NF1: variants seen among roughly 807,000 people sequenced by gnomAD.
NF1 encodes neurofibromin 1, also known as neurofibromin.
Under a neutral mutation model 325.7 loss-of-function variants are expected in NF1, and 122 were observed. The ratio of observed to expected loss-of-function variants is 0.37; its 90% confidence interval spans 0.32 to 0.44. NF1 has a LOEUF of 0.44. Ranked by LOEUF, NF1 falls within the 20% of genes least tolerant of loss-of-function variation. The probability of loss-of-function intolerance (pLI) is 1.00; values close to 1 mark genes in which losing one functional copy is unlikely to be tolerated. For missense variants in NF1, 2,140 were observed against 3,415.4 expected (o/e 0.63, Z 9.31); for synonymous variants, 1,091 against 1,186.0 (o/e 0.92, Z 1.65).
At chr17:31,101,714 ATTTT>A (rs939126536) in intron 1 of NF1, among the ~76,000 whole-genome samples, 1 of 141,490 alleles carries the variant, frequency 7.1e-6, no homozygotes, top group African/African-American at 2.6e-5. Flanking sequence ...CTCAGATTTC[ATTTT>A]TTTTTTTTCC....
chr17:31,233,274 A>C (rs2067146980), intron 27 of NF1, 61 bp downstream of exon 27: 3 of 1,376,258 alleles, frequency 2.2e-6, no homozygotes, highest in Non-Finnish European at 3.1e-6. Flanking sequence ...CCTTCAGAAT[A>C]TATTTGTTCA....
At chr17:31,221,694 CAG>C (rs1046186940) in intron 14 of NF1, among the ~76,000 whole-genome samples, 154 bp from the exon 15 acceptor site, 39 of 152,182 alleles carry the variant, frequency 2.6e-4, no homozygotes, top group African/African-American at 8.7e-4. Flanking sequence ...TTGTGTTCAC[CAG>C]AGTTTCTCTC....
At chr17:31,145,191 C>CTCAT (rs754204277) in intron 1 of NF1, among the ~76,000 whole-genome samples, 2 of 152,134 alleles carry the variant, frequency 1.3e-5, no homozygotes, top group African/African-American at 4.8e-5. Context: ...TCTTCCCGTT[C>CTCAT]TCATTCATTC....
chr17:31,294,706 A>T (rs528232571), intron 36 of NF1: 2 of 410,804 alleles, frequency 4.9e-6, no homozygotes, highest in South Asian at 2.3e-5. Flanking sequence ...CATAAAATAC[A>T]TATTAAAGTT....
At chr17:31,364,435 C>T (rs1019085958) in intron 57 of NF1, among the ~76,000 whole-genome samples, 2 of 152,202 alleles carry the variant, frequency 1.3e-5, no homozygotes, top group Non-Finnish European at 2.9e-5. Flanking sequence ...GCAGGATCAG[C>T]TACTGAGCTG....
chr17:31,291,040 ATAAG>A (rs1187115033), intron 36 of NF1, among the ~76,000 whole-genome samples: 1 of 146,086 alleles, frequency 6.8e-6, no homozygotes, highest in Non-Finnish European at 1.5e-5. Flanking sequence ...AAATAAATAA[ATAAG>A]TTAATGTAAC....
chr17:31,195,621 ATT>A (rs564071189), intron 8 of NF1, among the ~76,000 whole-genome samples: 300 of 152,074 alleles, frequency 2.0e-3, no homozygotes, highest in African/African-American at 6.8e-3. Context: ...CTCATACAGT[ATT>A]TGTCTTTTTG....
At chr17:31,196,624 A>G (rs957808227) in intron 8 of NF1, among the ~76,000 whole-genome samples, 1 of 97,838 alleles carries the variant, frequency 1.0e-5, no homozygotes, top group African/African-American at 2.7e-5. Context: ...CCAATGTTGA[A>G]AATATTTTTT....
intron 57 of NF1, among the ~76,000 whole-genome samples, chr17:31,369,596 T>C (rs748664989): frequency 6.6e-6 from 1 of 152,152 alleles, no homozygotes; most frequent in Non-Finnish European, 1.5e-5. Context: ...CTGTTTGTTG[T>C]CCACCAAAGG....
rs1555535216 is a variant in NF1 at position 31,340,855 on chromosome 17, A to AC, written c.7062+210_7062+211insC. 1.8e-3 allele frequency among the ~76,000 whole-genome samples: 271 copies of AC among 151,532 alleles called. 1 individual carries two copies. Among genetic ancestry groups the AC allele is most frequent in the South Asian group, 2.9e-3 (14 of 4,816 alleles). On this transcript the variant is annotated intron_variant, in intron 47 of 57. Transcript: ENST00000358273. ...TTTTTACATAAAAATAGCAAAAAAA[A>AC]AAAAACAAAAAAAAAACAGTACTGG...
In NF1 at chr17:31,253,018, T is replaced by C; in HGVS notation, c.4173+18T>C. ...AAAAATCAGTAAGTTTGGAGAACTT[T>C]TTATTAGCTGTTTCTTTCAAAGCAA... On this transcript the variant is annotated intron_variant, in intron 31 of 57. Transcript: ENST00000358273. The C allele has an allele frequency of 1.9e-6, 3 of 1,594,114 alleles. No individual in the cohort carries two copies. The highest frequency in any genetic ancestry group is 2.6e-6 in the Non-Finnish European group (3 of 1,162,838).
intron 8 of NF1, among the ~76,000 whole-genome samples, chr17:31,192,342 A>G (rs368157539): frequency 1.3e-5 from 2 of 152,206 alleles, no homozygotes; most frequent in South Asian, 2.1e-4. Flanking sequence ...TGAAACATCA[A>G]TCAGATACAT....
At chr17:31,302,299 T>C (rs113672917) in intron 36 of NF1, among the ~76,000 whole-genome samples, 1,993 of 152,266 alleles carry the variant, frequency 0.013, 32 homozygotes, top group Non-Finnish European at 0.015. Context: ...AGAAAATTGG[T>C]ATTTCCCTAT....
At chr17:31,188,566 G>A (rs931672193) in intron 8 of NF1, among the ~76,000 whole-genome samples, 5 of 152,126 alleles carry the variant, frequency 3.3e-5, no homozygotes, top group African/African-American at 9.7e-5. Context: ...AGTTGACAAG[G>A]GGTGGACTTG....
At position 31,227,270 on chromosome 17, in the gene NF1, T is replaced by C. The variant is rs1597713390; in HGVS notation, c.2304T>C (p.His768=). The C allele has an allele frequency of 6.2e-7, 1 of 1,613,716 alleles. No homozygotes were observed. The highest frequency in any genetic ancestry group is 8.5e-7 in the Non-Finnish European group (1 of 1,179,708). Residue 768 remains histidine (H), a synonymous_variant, in exon 19 of 58, where the codon CAT becomes CAC. Coordinates refer to ENST00000358273, the MANE Select transcript of NF1 (RefSeq NM_001042492.3). ...TGGCACTGCTGAGGCGCATTGAGCA[T>C]CCCACTGCAGGAAACACTGAGGTAT... The part of the protein sequence containing the change: ...RVMALLRRIE[H]PTAGNTEAWE...
At chr17:31,297,987 G>A (rs1269065634) in intron 36 of NF1, among the ~76,000 whole-genome samples, 1 of 151,898 alleles carries the variant, frequency 6.6e-6, no homozygotes, top group Non-Finnish European at 1.5e-5. Flanking sequence ...TTATATATTT[G>A]GAGTTAAAGT....
chr17:31,103,172 G>T (rs1351989413), intron 1 of NF1, among the ~76,000 whole-genome samples: 1 of 151,844 alleles, frequency 6.6e-6, no homozygotes, highest in East Asian at 1.9e-4. Context: ...AAATGTTCCT[G>T]TTTTTTGCCC....
intron 8 of NF1, among the ~76,000 whole-genome samples, chr17:31,195,595 A>G (rs1285173626): frequency 6.6e-6 from 1 of 152,056 alleles, no homozygotes; most frequent in Non-Finnish European, 1.5e-5. Flanking sequence ...GAATTTGACT[A>G]CCTCATATAA....
At chr17:31,155,919 AAGTT>A in intron 1 of NF1, 60 bp from the exon 2 acceptor site, 1 of 1,558,230 alleles carries the variant, frequency 6.4e-7, no homozygotes, top group Middle Eastern at 1.8e-4. Context: ...AATGGCAAGT[AAGTT>A]ATTTATGGTC....
Sources: allele counts gnomAD v4.1 joint callset (sites outside exome capture counted in the v4.1 genomes callset), GRCh38; gene constraint gnomAD v4.1.1; transcripts MANE v1.5; gene names NCBI Gene and HGNC (gene_info 2026-07-23, HGNC 2026-07-21).